CNTN2: variants seen among roughly 807,000 people sequenced by gnomAD.
CNTN2 encodes contactin 2.
A neutral mutation model predicts 117.5 loss-of-function variants in CNTN2; 53 were observed. That is an observed-to-expected ratio of 0.45 (90% confidence interval 0.36 to 0.57). CNTN2 has a LOEUF of 0.57. Ranked by LOEUF, CNTN2 falls within the 20% of genes least tolerant of loss-of-function variation. The pLI is 0.00. For synonymous variants in CNTN2, 530 were observed against 561.7 expected (o/e 0.94, Z 0.80); for missense variants, 1,106 against 1,404.3 (o/e 0.79, Z 3.39).
chr1:205,073,465 C>G lies in CNTN2; in HGVS notation c.3014-191C>G, dbSNP rs183705122. The G allele has an allele frequency of 4.9e-5, 36 of 728,302 alleles. No individual in the cohort carries two copies. In the East Asian group the frequency reaches 8.1e-4, roughly 16 times the overall value. The allele number at this position is 728,302 out of a possible 1,614,324, so 45.1% of individuals were successfully genotyped here. On this transcript the variant is annotated intron_variant, in intron 22 of 22. Transcript: ENST00000331830. The surrounding 1 kb of genome is among the most constrained non-coding windows in gnomAD (Gnocchi z 6.3). The stretch of plus-strand genomic sequence containing the variant: ...GAAGGGCGCAGGGTGCAGGGGGAGG[C>G]TGAGGACCAACCAGCAATAGCAAAC...
chr1:205,062,646 T>C, intron 10 of CNTN2, 77 bp downstream of exon 10: 1 of 1,518,518 alleles, frequency 6.6e-7, no homozygotes, highest in Non-Finnish European at 8.9e-7. Context: ...TTTAGGTGTT[T>C]CCAAACACAC....
Position 205,067,221 on chromosome 1 carries a change from C to T in CNTN2, c.2096C>T (p.Pro699Leu), listed in dbSNP as rs1448874963. 2 of 1,613,668 alleles carry T rather than the reference C, an allele frequency of 1.2e-6. No homozygotes were observed. Among genetic ancestry groups the T allele is most frequent in the East Asian group, 2.2e-5 (1 of 44,872 alleles). The change falls in exon 16 of 23, where the codon CCC becomes CTC. Residue 699 changes from proline to leucine, a missense_variant. By Grantham distance (98) the Pro-to-Leu change is moderately conservative. Coordinates refer to ENST00000331830, the MANE Select transcript of CNTN2 (RefSeq NM_005076.5). ...NILGTGEPSG[P>L]SSKIRTREAA... ...CTGGGCACTGGGGAGCCTAGTGGGC[C>T]CTCCAGCAAAATCCGGACCAGGGAA...
At chr1:205,072,980 G>T in intron 21 of CNTN2, 88 bp from the exon 22 acceptor site, 1 of 1,424,982 alleles carries the variant, frequency 7.0e-7, no homozygotes, top group East Asian at 2.4e-5. Flanking sequence ...CAGAACCATC[G>T]GGTCTCCTCC....
chr1:205,045,473 T>G lies in CNTN2; in HGVS notation c.-87+2079T>G, dbSNP rs544296864. Among the ~76,000 whole-genome samples the G allele has an allele frequency of 4.6e-5, 7 of 152,188 alleles. No individual in the cohort carries two copies. The East Asian group carries it at 1.4e-3, about 29-fold the overall frequency. ...AACTTACTCCTTAGGAGCATGTACA[T>G]AGACAGGTGTACCCCAAGGCATCCT... On this transcript the variant is annotated intron_variant, in intron 1 of 22. Coordinates refer to ENST00000331830, the MANE Select transcript of CNTN2 (RefSeq NM_005076.5).
Position 205,059,314 on chromosome 1 carries a change from G to C in CNTN2, c.697+21G>C, listed in dbSNP as rs1011865401. ...TGAAGGTCAGGCTTGGCCAGGCGTG[G>C]CTGGAGGGAGGGAACTGGAAGGGTC... On this transcript the variant is annotated intron_variant, in intron 6 of 22. Coordinates refer to ENST00000331830, the MANE Select transcript of CNTN2 (RefSeq NM_005076.5). The surrounding 1 kb of genome is among the most constrained non-coding windows in gnomAD (Gnocchi z 5.6). The C allele has an allele frequency of 9.3e-6, 15 of 1,606,748 alleles. No homozygotes were observed. The highest frequency in any genetic ancestry group is 1.3e-5 in the Non-Finnish European group (15 of 1,175,712).
chr1:205,072,621 G>A (rs758101786), intron 21 of CNTN2, 26 bp downstream of exon 21: 12 of 1,531,174 alleles, frequency 7.8e-6, no homozygotes, highest in Non-Finnish European at 1.0e-5. Flanking sequence ...GCTAGGCCCA[G>A]AATGGGAAGG....
In CNTN2 at chr1:205,048,911, G is replaced by A. The variant is rs1428016135; in HGVS notation, c.-86-4189G>A. ...CTCCAGCCTTTAGCCCAGACTCTGC[G>A]TGTGTGTGTGTGTGTGTGTGTGTGT... is the stretch of plus-strand genomic sequence containing the variant. On this transcript the variant is annotated intron_variant, in intron 1 of 22. Transcript: ENST00000331830. The surrounding 1 kb of genome is among the most constrained non-coding windows in gnomAD (Gnocchi z 4.1). Among the ~76,000 whole-genome samples, 1 of 2,354 alleles carries A rather than the reference G, an allele frequency of 4.2e-4. No individual in the cohort carries two copies. The highest frequency in any genetic ancestry group is 9.4e-4 in the Non-Finnish European group (1 of 1,060). 1.5% of individuals were successfully genotyped at this position (2,354 alleles called of 152,430 possible). A position where few individuals can be genotyped will look rare whatever the true frequency, so the allele number is the denominator to read the frequency against.
In CNTN2 at chr1:205,048,621, C is replaced by G. The variant is rs1227525758; in HGVS notation, c.-86-4479C>G. 6.6e-6 allele frequency among the ~76,000 whole-genome samples: 1 copy of G among 152,172 alleles called. No individual in the cohort carries two copies. Among genetic ancestry groups the G allele is most frequent in the African/African-American group, 2.4e-5 (1 of 41,438 alleles). ...CTGGCATAGCTCCACTCCAGCCTTG[C>G]TCCTGACAAAAAGGCCTCCTCCATC... is the stretch of plus-strand genomic sequence containing the variant. On this transcript the variant is annotated intron_variant, in intron 1 of 22. Coordinates refer to ENST00000331830, the MANE Select transcript of CNTN2 (RefSeq NM_005076.5). The surrounding 1 kb of genome is among the most constrained non-coding windows in gnomAD (Gnocchi z 4.1).
At chr1:205,046,277 G>C (rs983443552) in intron 1 of CNTN2, among the ~76,000 whole-genome samples, 2 of 152,272 alleles carry the variant, frequency 1.3e-5, no homozygotes, top group South Asian at 4.1e-4. Context: ...TCCCATCCCA[G>C]GACACACTCA....
intron 2 of CNTN2, chr1:205,057,581 A>T (rs930914719): frequency 5.4e-6 from 1 of 185,796 alleles, no homozygotes; most frequent in Admixed American, 6.0e-5. Context: ...TTTACAAGCC[A>T]GTCTCTAGCC....
At chr1:205,066,011 C>A in intron 14 of CNTN2, 102 bp downstream of exon 14, 3 of 1,387,342 alleles carry the variant, frequency 2.2e-6, no homozygotes, top group Non-Finnish European at 2.9e-6. Context: ...CTCAAAGCTG[C>A]GGGGAAGGGC....
At position 205,048,646 on chromosome 1, in the gene CNTN2, C is replaced by T. The variant is rs1354428219; in HGVS notation, c.-86-4454C>T. On this transcript the variant is annotated intron_variant, in intron 1 of 22. Transcript: ENST00000331830. This position sits in a 1 kb window ranked among gnomAD's most constrained non-coding sequence, Gnocchi z 4.1. ...CTCCTGACAAAAAGGCCTCCTCCAT[C>T]CTGGGCATTCTAGAACGCATAATAG... 6.6e-6 allele frequency among the ~76,000 whole-genome samples: 1 copy of T among 152,204 alleles called. No homozygotes were observed. The highest frequency in any genetic ancestry group is 2.4e-5 in the African/African-American group (1 of 41,452).
chr1:205,053,291 G>A, intron 2 of CNTN2, 36 bp downstream of exon 2: 3 of 1,567,330 alleles, frequency 1.9e-6, no homozygotes, highest in Middle Eastern at 1.7e-4. Flanking sequence ...AGCCTAGCAG[G>A]CATGATTATA....
rs1029255402 is a variant in CNTN2 at position 205,058,935 on chromosome 1, T to G, written c.488-149T>G. On this transcript the variant is annotated intron_variant, in intron 5 of 22. Transcript: ENST00000331830. This position sits in a 1 kb window ranked among gnomAD's most constrained non-coding sequence, Gnocchi z 4.3. Reference sequence around the variant, plus strand: ...CTGAGGGCAGGAATAAAGTCACTTCTTCCCTCTAGGTCTCCCCTTAGCCCC... The same window carrying G: ...CTGAGGGCAGGAATAAAGTCACTTCGTCCCTCTAGGTCTCCCCTTAGCCCC... 31 of 756,382 alleles carry G rather than the reference T, an allele frequency of 4.1e-5. No homozygotes were observed. The highest frequency in any genetic ancestry group is 6.5e-5 in the Non-Finnish European group (30 of 464,490). 46.9% of individuals were successfully genotyped at this position (756,382 alleles called of 1,614,324 possible).
In CNTN2 at chr1:205,059,192, C is replaced by T; in HGVS notation, c.596C>T (p.Ala199Val). 2 of 1,614,216 alleles carry T rather than the reference C, an allele frequency of 1.2e-6. No homozygotes were observed. The highest frequency in any genetic ancestry group is 1.7e-6 in the Non-Finnish European group (2 of 1,180,028). ...TGNLYIARTN[A>V]SDLGNYSCLA... ...AACCTGTACATTGCCCGAACCAATG[C>T]CTCAGACCTGGGCAACTACTCCTGT... The change falls in exon 6 of 23, where the codon GCC (alanine) becomes GTC (valine). Residue 199 changes from alanine to valine, a missense_variant. Ala to Val is a moderately conservative substitution (Grantham distance 64). Transcript: ENST00000331830. The surrounding 1 kb of genome is among the most constrained non-coding windows in gnomAD (Gnocchi z 5.6).
intron 1 of CNTN2, among the ~76,000 whole-genome samples, chr1:205,043,878 G>A (rs561828597): frequency 6.6e-6 from 1 of 152,266 alleles, no homozygotes; most frequent in East Asian, 1.9e-4. Flanking sequence ...TGACCTCTTT[G>A]CAAAGTCTTG....
intron 12 of CNTN2, 67 bp downstream of exon 12, chr1:205,064,817 T>A: frequency 6.3e-7 from 1 of 1,587,216 alleles, no homozygotes; most frequent in Non-Finnish European, 8.6e-7. Flanking sequence ...CCCATCATCC[T>A]GCTCCTGTGT....
At position 205,061,180 on chromosome 1, in the gene CNTN2, G is replaced by C. The variant is rs1197381087; in HGVS notation, c.798-65G>C. The C allele has an allele frequency of 6.6e-7, 1 of 1,518,612 alleles. No homozygotes were observed. Among genetic ancestry groups the C allele is most frequent in the South Asian group, 1.3e-5 (1 of 79,806 alleles). 94.1% of individuals were successfully genotyped at this position (1,518,612 alleles called of 1,614,324 possible). A position where few individuals can be genotyped will look rare whatever the true frequency, so the allele number is the denominator to read the frequency against. Reference sequence around the variant, plus strand: ...GGGCCTGAGAGTCTGGGTATGAGGAGCTGCGGGCACTGGAGGGGTAGGCCC... The same window carrying C: ...GGGCCTGAGAGTCTGGGTATGAGGACCTGCGGGCACTGGAGGGGTAGGCCC... On this transcript the variant is annotated intron_variant, in intron 7 of 22. Transcript: ENST00000331830. This position sits in a 1 kb window ranked among gnomAD's most constrained non-coding sequence, Gnocchi z 4.8.
Position 205,075,595 on chromosome 1 carries a change from C to G in CNTN2, c.*1830C>G, listed in dbSNP as rs936316721. 6.6e-6 allele frequency: 1 copy of G among 152,594 alleles called. No individual in the cohort carries two copies. Among genetic ancestry groups the G allele is most frequent in the Non-Finnish European group, 1.5e-5 (1 of 68,032 alleles). The allele number at this position is 152,594 out of a possible 1,614,324, so 9.5% of individuals were successfully genotyped here. On this transcript the variant is annotated 3_prime_UTR_variant, in exon 23 of 23. Transcript: ENST00000331830. Reference sequence around the variant, plus strand: ...AACTTTTAAGTCCTGCTCTATTTTCCTGGGCAGGTTTATGTTGATGTTTAC... The same window carrying G: ...AACTTTTAAGTCCTGCTCTATTTTCGTGGGCAGGTTTATGTTGATGTTTAC...
Sources: allele counts gnomAD v4.1 joint callset (sites outside exome capture counted in the v4.1 genomes callset), GRCh38; gene constraint gnomAD v4.1.1; non-coding constraint Gnocchi (gnomAD v3.1); transcripts MANE v1.5; gene names NCBI Gene and HGNC (gene_info 2026-07-23, HGNC 2026-07-21).